The following DGKQ variants were observed in gnomAD, a reference collection of about 807,000 sequenced individuals.
The protein encoded by DGKQ is diacylglycerol kinase theta, also known as DAG kinase theta.
Under a neutral mutation model 104.2 loss-of-function variants are expected in DGKQ, and 97 were observed. That is an observed-to-expected ratio of 0.93 (90% CI 0.79 to 1.10). The LOEUF (loss-of-function observed/expected upper bound fraction) is 1.10, where lower values mean the gene tolerates loss of function less well. DGKQ is among the 50% of genes least tolerant of loss of function. The probability of loss-of-function intolerance (pLI) is 0.00; values close to 1 mark genes in which losing one functional copy is unlikely to be tolerated. For missense variants in DGKQ, 1,465 were observed against 1,352.1 expected (o/e 1.08, Z -1.31); for synonymous variants, 736 against 595.2 (o/e 1.24, Z -3.44).
At chr4:965,381 CAGGGCTGCCCAAGGGAA>C in intron 14 of DGKQ, 90 bp from the exon 15 acceptor site, 1 of 1,552,286 alleles carries the variant, frequency 6.4e-7, no homozygotes. Context: ...TTCCCCAGCC[CAGGGCTGCCCAAGGGAA>C]AGGTCAGGTG....
Position 966,051 on chromosome 4 carries a change from GCGT to G in DGKQ, c.1453_1455del (p.Thr485del). 3 of 1,603,412 alleles carry G rather than the reference GCGT, an allele frequency of 1.9e-6. No individual in the cohort carries two copies. Among genetic ancestry groups the G allele is most frequent in the Non-Finnish European group, 1.7e-6 (2 of 1,176,190 alleles). On this transcript the variant is annotated inframe_deletion, in exon 13 of 23. Coordinates refer to ENST00000273814, the MANE Select transcript of DGKQ (RefSeq NM_001347.4). ...TCCCTGCTCTCTGCCACGTAGAACC[GCGT>G]CTGGCTCACCTGCCGCACAGACATC...
In DGKQ at chr4:967,118, C is replaced by A; in HGVS notation, c.1220+11G>T. The A allele has an allele frequency of 6.4e-7, 1 of 1,570,012 alleles. No homozygotes were observed. Among genetic ancestry groups the A allele is most frequent in the Non-Finnish European group, 8.6e-7 (1 of 1,156,100 alleles). On this transcript the variant is annotated intron_variant, in intron 9 of 22. Transcript: ENST00000273814. Reference sequence around the variant, plus strand: ...CGCCCAGCAGACCCTGAGCCTCGGGCCCAGTCTCACTTGAGCCAGCCAGGG... The same window carrying A: ...CGCCCAGCAGACCCTGAGCCTCGGGACCAGTCTCACTTGAGCCAGCCAGGG...
intron 2 of DGKQ, among the ~76,000 whole-genome samples, chr4:970,757 A>G (rs963869612): frequency 6.6e-6 from 1 of 152,122 alleles, no homozygotes; most frequent in Non-Finnish European, 1.5e-5. Context: ...CATTTTGAGC[A>G]CATTCTATGG....
chr4:966,091 G>A lies in DGKQ; in HGVS notation c.1429-13C>T, dbSNP rs377529454. ...GCCGCACAGACATCTGCAGGGAGAGGGGCGGGGATGCTGGGCCGGGGAGAA... is the reference window on the plus strand; with the variant it reads ...GCCGCACAGACATCTGCAGGGAGAGAGGCGGGGATGCTGGGCCGGGGAGAA... On this transcript the variant is annotated splice_polypyrimidine_tract_variant and intron_variant, in intron 12 of 22. Transcript: ENST00000273814. The A allele has an allele frequency of 4.0e-4, 632 of 1,588,040 alleles. 1 individual carries two copies. Among genetic ancestry groups the A allele is most frequent in the Non-Finnish European group, 5.1e-4 (596 of 1,166,114 alleles).
In DGKQ at chr4:967,587, C is replaced by A. The variant is rs149805008; in HGVS notation, c.949G>T (p.Val317Phe). 2.5e-6 allele frequency: 4 copies of A among 1,612,682 alleles called. No homozygotes were observed. Among genetic ancestry groups the A allele is most frequent in the Non-Finnish European group, 3.4e-6 (4 of 1,179,872 alleles). The change falls in exon 8 of 23, where the codon GTC becomes TTC. Residue 317 changes from valine to phenylalanine, a missense_variant. By Grantham distance (50) the Val-to-Phe change is conservative. Transcript: ENST00000273814. ...DAVRRSQFRL[V>F]TVSRLAGAEE... Reference sequence around the variant, plus strand: ...GCACCGGCCAGGCGGGACACCGTGACGAGGCGGAACTGGCTTCTTCTCACC... The same window carrying A: ...GCACCGGCCAGGCGGGACACCGTGAAGAGGCGGAACTGGCTTCTTCTCACC...
rs894789377 is a variant in DGKQ at position 965,884 on chromosome 4, C to T, written c.1579+44G>A. The T allele has an allele frequency of 3.2e-6, 5 of 1,544,406 alleles. No homozygotes were observed. The Admixed American group carries it at 5.6e-5, about 17-fold the overall frequency. ...GCAGCCCCACTGCCTGCCGCTCGAC[C>T]CTGCCCCGTGCCAGCAGCCCACGGC... is the stretch of plus-strand genomic sequence containing the variant. On this transcript the variant is annotated intron_variant, in intron 13 of 22. Transcript: ENST00000273814.
Position 967,019 on chromosome 4 carries a change from G to A in DGKQ, c.1256C>T (p.Pro419Leu), listed in dbSNP as rs763724957. 2.1e-4 allele frequency: 322 copies of A among 1,563,670 alleles called. No individual in the cohort carries two copies. Among genetic ancestry groups the A allele is most frequent in the South Asian group, 6.7e-4 (57 of 85,174 alleles). ...CACCACAGAGCGGGCCGTGCTCTTC[G>A]GGGTCACTCGCACGGACACGTAGGC... ...GVAYVSVRVTPKSTARSVVLE... is the reference protein window; with the variant it reads ...GVAYVSVRVTLKSTARSVVLE... Residue 419 changes from proline to leucine, a missense_variant, in exon 10 of 23, where the codon CCG becomes CTG. Physicochemically the swap from Pro to Leu is moderately conservative, Grantham distance 98 (BLOSUM62 -3). Transcript: ENST00000273814.
chr4:960,765 TGAAA>T, intron 22 of DGKQ, 44 bp from the exon 23 acceptor site: 1 of 1,602,316 alleles, frequency 6.2e-7, no homozygotes, highest in Middle Eastern at 1.7e-4. Flanking sequence ...ACATGGCCGA[TGAAA>T]GAACGGTACA....
In DGKQ at chr4:963,141, G is replaced by A. The variant is rs754687362; in HGVS notation, c.1884C>T (p.Pro628=). 35 of 1,594,826 alleles carry A rather than the reference G, an allele frequency of 2.2e-5. No homozygotes were observed. Among genetic ancestry groups the A allele is most frequent in the South Asian group, 7.7e-5 (7 of 90,456 alleles). ...ACCAGGGGTCCTGCTGGACTCACCC[G>A]GGAAGAGGACCTCCGTTGGTCAGGT... is the stretch of plus-strand genomic sequence containing the variant. ...VFDLTNGGPL[P]GLHLFSQVPC... Residue 628 remains proline, a splice_region_variant and synonymous_variant, in exon 16 of 23, where the codon CCC becomes CCT. Transcript: ENST00000273814.
At chr4:963,100 C>A in intron 16 of DGKQ, 39 bp downstream of exon 16, 1 of 1,566,262 alleles carries the variant, frequency 6.4e-7, no homozygotes, top group Non-Finnish European at 8.7e-7. Context: ...CCTTCCCGCC[C>A]CTGCTGCTGC....
At chr4:966,853 G>A (rs553993389) in intron 10 of DGKQ, 51 bp from the exon 11 acceptor site, 2 of 1,578,580 alleles carry the variant, frequency 1.3e-6, no homozygotes, top group African/African-American at 1.3e-5. Flanking sequence ...CACCACCTCA[G>A]GACACCCGCG....
intron 1 of DGKQ, among the ~76,000 whole-genome samples, chr4:972,007 C>T (rs78794319): frequency 6.6e-6 from 1 of 152,078 alleles, no homozygotes; most frequent in South Asian, 2.1e-4. Flanking sequence ...CAGGGTCCAC[C>T]GAGAGAAGGG....
In DGKQ at chr4:967,138, C is replaced by G. The variant is rs766009648; in HGVS notation, c.1211G>C (p.Gly404Ala). 10 of 1,592,192 alleles carry G rather than the reference C, an allele frequency of 6.3e-6. No homozygotes were observed. Among genetic ancestry groups the G allele is most frequent in the Non-Finnish European group, 8.6e-6 (10 of 1,169,372 alleles). Residue 404 changes from glycine to alanine, a missense_variant, in exon 9 of 23, where the codon GGC becomes GCC. By Grantham distance (60) the Gly-to-Ala change is moderately conservative. Coordinates refer to ENST00000273814, the MANE Select transcript of DGKQ (RefSeq NM_001347.4). Reference protein sequence around the residue: ...RAQEVLKIYPGWLKVGVAYVS... With the variant: ...RAQEVLKIYPAWLKVGVAYVS... ...TCGGGCCCAGTCTCACTTGAGCCAG[C>G]CAGGGTAGATCTTCAGGACCTCCTG...
rs1173762347 is a variant in DGKQ at position 968,496 on chromosome 4, C to T, written c.520G>A (p.Asp174Asn). The T allele has an allele frequency of 6.2e-7, 1 of 1,607,600 alleles. No homozygotes were observed. The highest frequency in any genetic ancestry group is 8.5e-7 in the Non-Finnish European group (1 of 1,177,670). The change falls in exon 4 of 23, where the codon GAT (aspartate) becomes AAT (asparagine). Residue 174 changes from aspartate (D) to asparagine (N), a missense_variant. By Grantham distance (23) the Asp-to-Asn change is conservative (BLOSUM62 1). Coordinates refer to ENST00000273814, the MANE Select transcript of DGKQ (RefSeq NM_001347.4). ...ACSDCRQCHQ[D>N]GHQDHDTHHH... is the part of the protein sequence containing the mutation. ...ACACTCACGTGATCCTGGTGCCCAT[C>T]CTGGTGGCACTGGCGGCAGTCACTG...
intron 12 of DGKQ, 174 bp from the exon 13 acceptor site, chr4:966,252 C>T (rs2153009436): frequency 2.3e-6 from 2 of 851,968 alleles, no homozygotes; most frequent in South Asian, 3.4e-5. Flanking sequence ...TGGACAACCC[C>T]TGTCCGTTCC....
At chr4:965,561 G>C in intron 13 of DGKQ, 32 bp from the exon 14 acceptor site, 1 of 1,608,648 alleles carries the variant, frequency 6.2e-7, no homozygotes, top group Non-Finnish European at 8.5e-7. Context: ...AGGGCGGTGG[G>C]AGGCGAAGGA....
At chr4:962,339 C>T (rs1462557192) in intron 18 of DGKQ, 96 bp downstream of exon 18, 2 of 1,289,286 alleles carry the variant, frequency 1.6e-6, no homozygotes, top group Non-Finnish European at 2.1e-6. Flanking sequence ...GGCGCGTACA[C>T]CCGAGTGTGG....
At chr4:968,086 C>T (rs1712580039) in intron 5 of DGKQ, 59 bp from the exon 6 acceptor site, 5 of 1,261,226 alleles carry the variant, frequency 4.0e-6, no homozygotes, top group East Asian at 2.8e-5. Context: ...GCACCAGGTG[C>T]GCCAGGTCCA....
intron 13 of DGKQ, 142 bp from the exon 14 acceptor site, chr4:965,671 G>C: frequency 1.0e-6 from 1 of 988,372 alleles, no homozygotes; most frequent in Non-Finnish European, 1.5e-6. Flanking sequence ...CCCACTCCAG[G>C]AGCAGGACTC....
Sources: gnomAD v4.1 joint callset for allele counts (sites outside exome capture counted in the v4.1 genomes callset) on GRCh38, gnomAD v4.1.1 for gene constraint, MANE v1.5 for transcripts, NCBI Gene and HGNC (gene_info 2026-07-23, HGNC 2026-07-21) for gene names.